The following CHST11 variants were observed in gnomAD, a reference collection of about 807,000 sequenced individuals.
CHST11 encodes the protein carbohydrate sulfotransferase 11.
In CHST11, 9 loss-of-function variants were observed where a neutral mutation model predicts 30.4. That is an observed-to-expected ratio of 0.30 (90% CI 0.18 to 0.52). The LOEUF (loss-of-function observed/expected upper bound fraction) is 0.52, where lower values mean the gene tolerates loss of function less well. CHST11 is among the 20% of genes least tolerant of loss of function. CHST11 has a pLI of 0.97. For missense variants in CHST11, 348 were observed against 460.6 expected (o/e 0.76, Z 2.24); for synonymous variants, 152 against 187.8 (o/e 0.81, Z 1.56).
intron 1 of CHST11, among the ~76,000 whole-genome samples, chr12:104,583,553 G>A (rs1042625813): frequency 5.9e-5 from 9 of 152,194 alleles, no homozygotes; most frequent in East Asian, 5.8e-4. Context: ...CCTGTCTGGG[G>A]CCTCCCCTAT....
rs1379825342 is a variant in CHST11, at chr12:104,600,005, G to A, written c.119-1901G>A. On this transcript the variant is annotated intron_variant, in intron 1 of 2. Transcript: ENST00000303694. This position sits in a 1 kb window ranked among gnomAD's most constrained non-coding sequence, Gnocchi z 4.1. ...GAGGATTTCACACCACAGTGGCCCT[G>A]CGGAAGAGTTATGACAGAGACTGCA... Among the ~76,000 whole-genome samples the A allele has an allele frequency of 6.6e-6, 1 of 152,214 alleles. No individual in the cohort carries two copies. Among genetic ancestry groups the A allele is most frequent in the Non-Finnish European group, 1.5e-5 (1 of 68,032 alleles).
At chr12:104,611,172 A>T (rs1178815994) in intron 2 of CHST11, among the ~76,000 whole-genome samples, 1 of 152,246 alleles carries the variant, frequency 6.6e-6, no homozygotes, top group African/African-American at 2.4e-5. Flanking sequence ...TAAGTTTAAT[A>T]ATATTTAAAA....
chr12:104,519,160 A>G (rs2038054162), intron 1 of CHST11, among the ~76,000 whole-genome samples: 1 of 151,580 alleles, frequency 6.6e-6, no homozygotes, highest in Non-Finnish European at 1.5e-5. Context: ...AGTACTTCTT[A>G]TGAACAAAAG....
At chr12:104,630,048 G>T (rs1772995950) in intron 2 of CHST11, among the ~76,000 whole-genome samples, 1 of 152,146 alleles carries the variant, frequency 6.6e-6, no homozygotes, top group Non-Finnish European at 1.5e-5. Flanking sequence ...CCCTGGTTAG[G>T]TTAGCCGCAT....
chr12:104,716,069 C>G (rs1351274270), intron 2 of CHST11, among the ~76,000 whole-genome samples: 1 of 152,216 alleles, frequency 6.6e-6, no homozygotes, highest in East Asian at 1.9e-4. Flanking sequence ...AGGTATAGCT[C>G]AAGCCCCTAG....
intron 2 of CHST11, among the ~76,000 whole-genome samples, chr12:104,613,765 A>G (rs2039082414): frequency 6.6e-6 from 1 of 152,226 alleles, no homozygotes; most frequent in Non-Finnish European, 1.5e-5. Flanking sequence ...AGAATGGACT[A>G]ATACAGGGAC....
chr12:104,636,448 C>T (rs574380982), intron 2 of CHST11, among the ~76,000 whole-genome samples: 11 of 152,288 alleles, frequency 7.2e-5, no homozygotes, highest in Admixed American at 6.5e-4. Flanking sequence ...CTGAGGAGCT[C>T]GAAGCTCCTG....
At chr12:104,568,509 G>A (rs571704585) in intron 1 of CHST11, among the ~76,000 whole-genome samples, 203 of 152,322 alleles carry the variant, frequency 1.3e-3, no homozygotes, top group African/African-American at 4.5e-3. Context: ...GAGATGGGAA[G>A]AGAATGGCTG....
chr12:104,708,101 C>T lies in CHST11; in HGVS notation c.205-48848C>T, dbSNP rs1386902656. Among the ~76,000 whole-genome samples the T allele has an allele frequency of 2.0e-5, 3 of 152,316 alleles. No homozygotes were observed. In the East Asian group the frequency reaches 5.8e-4, roughly 29 times the overall value. On this transcript the variant is annotated intron_variant, in intron 2 of 2. Coordinates refer to ENST00000303694, the MANE Select transcript of CHST11 (RefSeq NM_018413.6). ...TCTCCTCCCCGGGGAGATTGTCGGG[C>T]CATGTTCAGATGTGCACCCTGGCAA... is the stretch of plus-strand genomic sequence containing the variant.
chr12:104,734,197 G>A (rs982718040), intron 2 of CHST11, among the ~76,000 whole-genome samples: 1 of 152,262 alleles, frequency 6.6e-6, no homozygotes, highest in Non-Finnish European at 1.5e-5. Context: ...CTCTGCAGAA[G>A]TGGACGTGCT....
At chr12:104,461,941 A>G (rs1029030372) in intron 1 of CHST11, among the ~76,000 whole-genome samples, 1 of 152,098 alleles carries the variant, frequency 6.6e-6, no homozygotes, top group African/African-American at 2.4e-5. Context: ...AGGCAGGTGG[A>G]TCACCTGAGG....
At chr12:104,570,053 T>C (rs1243720474) in intron 1 of CHST11, among the ~76,000 whole-genome samples, 1 of 151,890 alleles carries the variant, frequency 6.6e-6, no homozygotes, top group Non-Finnish European at 1.5e-5. Context: ...TATCCTGGGG[T>C]TTGATCTCTC....
intron 1 of CHST11, among the ~76,000 whole-genome samples, chr12:104,482,280 C>T (rs1032025214): frequency 2.0e-5 from 3 of 151,562 alleles, no homozygotes; most frequent in African/African-American, 4.9e-5. Flanking sequence ...TGGGTATTTA[C>T]GAGCCAGTGG....
chr12:104,653,341 A>C (rs1030910559), intron 2 of CHST11, among the ~76,000 whole-genome samples: 1 of 152,228 alleles, frequency 6.6e-6, no homozygotes, highest in Non-Finnish European at 1.5e-5. Flanking sequence ...TGTAAGGTTG[A>C]ATGATATTCC....
intron 2 of CHST11, among the ~76,000 whole-genome samples, chr12:104,756,745 C>T (rs932489460): frequency 1.3e-5 from 2 of 152,106 alleles, no homozygotes; most frequent in South Asian, 4.1e-4. Flanking sequence ...TGAGGTCTCA[C>T]TATGTTGCCA....
intron 1 of CHST11, among the ~76,000 whole-genome samples, chr12:104,598,691 A>G (rs1332079195): frequency 6.6e-6 from 1 of 152,216 alleles, no homozygotes; most frequent in Non-Finnish European, 1.5e-5. Context: ...TTGGAACATG[A>G]CACGGAGGAT....
intron 1 of CHST11, among the ~76,000 whole-genome samples, chr12:104,567,243 A>G (rs1055899105): frequency 2.6e-5 from 4 of 152,184 alleles, no homozygotes; most frequent in South Asian, 2.1e-4. Flanking sequence ...AGCAGGCAGA[A>G]TGCACCTGAG....
chr12:104,744,964 C>T (rs1592871282), intron 2 of CHST11, among the ~76,000 whole-genome samples: 1 of 152,146 alleles, frequency 6.6e-6, no homozygotes, highest in Non-Finnish European at 1.5e-5. Context: ...ACCTCCGCCT[C>T]CCAGGTTCAA....
At chr12:104,525,221 C>T (rs1479133907) in intron 1 of CHST11, among the ~76,000 whole-genome samples, 3 of 151,894 alleles carry the variant, frequency 2.0e-5, no homozygotes, top group African/African-American at 4.8e-5. Flanking sequence ...GAACTTGTGG[C>T]CTCAAGCAGT....
Sources: gnomAD v4.1 joint callset for allele counts (sites outside exome capture counted in the v4.1 genomes callset) on GRCh38, gnomAD v4.1.1 for gene constraint, Gnocchi (gnomAD v3.1) non-coding constraint, MANE v1.5 for transcripts, NCBI Gene and HGNC (gene_info 2026-07-23, HGNC 2026-07-21) for gene names.